Variants in SNRK observed in about 807,000 individuals in gnomAD.
The protein encoded by SNRK is SNF related kinase, also known as SNF-related serine/threonine-protein kinase.
Under a neutral mutation model 48.2 loss-of-function variants are expected in SNRK, and 3 were observed. That is an observed-to-expected ratio of 0.06 (90% CI 0.03 to 0.16). The LOEUF (loss-of-function observed/expected upper bound fraction) is 0.16, where lower values mean the gene tolerates loss of function less well. Ranked by LOEUF, SNRK falls within the 10% of genes least tolerant of loss-of-function variation. The pLI is 1.00. For synonymous variants in SNRK, 376 were observed against 366.1 expected (o/e 1.03, Z -0.31); for missense variants, 627 against 976.0 (o/e 0.64, Z 4.76).
chr3:43,325,149 A>G (rs779943068), intron 3 of SNRK, among the ~76,000 whole-genome samples: 1 of 152,094 alleles, frequency 6.6e-6, no homozygotes, highest in African/African-American at 2.4e-5. Context: ...CTCACACAAA[A>G]GACTGTGTTT....
chr3:43,299,129 G>A (rs556926322), intron 1 of SNRK, among the ~76,000 whole-genome samples: 2 of 152,192 alleles, frequency 1.3e-5, no homozygotes, highest in South Asian at 2.1e-4. Flanking sequence ...ATGTGAGTTC[G>A]GGGCCTGTTG....
chr3:43,294,760 G>A (rs1182357685), intron 1 of SNRK, among the ~76,000 whole-genome samples: 7 of 146,078 alleles, frequency 4.8e-5, no homozygotes, highest in Admixed American at 4.8e-4. Flanking sequence ...TTCTTTTTTT[G>A]ACCATTTTTT....
intron 3 of SNRK, among the ~76,000 whole-genome samples, chr3:43,306,920 T>G (rs1047700762): frequency 1.6e-4 from 24 of 152,216 alleles, no homozygotes; most frequent in African/African-American, 5.5e-4. Flanking sequence ...CCAATTGATT[T>G]CTGCTTCGGA....
At chr3:43,328,483 A>G (rs1575551499) in intron 3 of SNRK, among the ~76,000 whole-genome samples, 1 of 151,972 alleles carries the variant, frequency 6.6e-6, no homozygotes, top group African/African-American at 2.4e-5. Context: ...TGATCCTCCC[A>G]CCTTAGGCTT....
Position 43,348,239 on chromosome 3 carries a change from G to T in SNRK, c.1980G>T (p.Gly660=). The T allele has an allele frequency of 6.2e-7, 1 of 1,613,926 alleles. No individual in the cohort carries two copies. The highest frequency in any genetic ancestry group is 8.5e-7 in the Non-Finnish European group (1 of 1,179,900). Residue 660 remains glycine (G), a synonymous_variant, in exon 7 of 7, where the codon GGG becomes GGT. Transcript: ENST00000296088. ...MSLCLGSQLH[G]STKYIIDPQN... ...TCTGCCTCGGCTCCCAGCTTCATGGGAGCACCAAGTACATTATTGATCCAC... is the reference window on the plus strand; with the variant it reads ...TCTGCCTCGGCTCCCAGCTTCATGGTAGCACCAAGTACATTATTGATCCAC...
At position 43,304,909 on chromosome 3, in the gene SNRK, CTT is replaced by C. The variant is rs377308575; in HGVS notation, c.589+1119_589+1120del. ...ACAGATAACTAGACTTCACTGAAGT[CTT>C]TCATTAGAATATCTGAGCGGAGATT... On this transcript the variant is annotated intron_variant, in intron 3 of 6. Transcript: ENST00000296088. Among the ~76,000 whole-genome samples the C allele has an allele frequency of 2.1e-3, 323 of 152,140 alleles. 1 individual carries two copies. The highest frequency in any genetic ancestry group is 7.4e-3 in the African/African-American group (309 of 41,504).
At chr3:43,340,027 G>A (rs902479190) in intron 4 of SNRK, among the ~76,000 whole-genome samples, 4 of 151,422 alleles carry the variant, frequency 2.6e-5, no homozygotes, top group Admixed American at 2.6e-4. Context: ...AAGAACAGAT[G>A]TTGATACCTA....
intron 1 of SNRK, among the ~76,000 whole-genome samples, chr3:43,293,448 A>G (rs1374650714): frequency 6.6e-6 from 1 of 152,204 alleles, no homozygotes; most frequent in Non-Finnish European, 1.5e-5. Context: ...CAGAAAGTCA[A>G]AAATTGAGTA....
At chr3:43,306,094 A>G (rs535315917) in intron 3 of SNRK, among the ~76,000 whole-genome samples, 1 of 152,336 alleles carries the variant, frequency 6.6e-6, no homozygotes, top group East Asian at 1.9e-4. Context: ...GATGTTCACC[A>G]GTCTGATAAA....
chr3:43,330,100 T>C (rs2091134952), intron 3 of SNRK, among the ~76,000 whole-genome samples: 2 of 152,216 alleles, frequency 1.3e-5, no homozygotes, highest in Admixed American at 6.5e-5. Context: ...TATGAATTTA[T>C]TGTATTTCAA....
rs1231600884 is a variant in SNRK at position 43,332,290 on chromosome 3, T to C, written c.711T>C (p.His237=). 3.2e-6 allele frequency: 5 copies of C among 1,557,016 alleles called. No individual in the cohort carries two copies. Among genetic ancestry groups the C allele is most frequent in the African/African-American group, 1.4e-5 (1 of 72,926 alleles). Residue 237 remains histidine (H), a synonymous_variant, in exon 4 of 7, where the codon CAT becomes CAC. Transcript: ENST00000296088. ...IMDCKYTVPS[H]VSKECKDLIT... is the part of the protein sequence containing the mutation. ...ATTGCAAATATACAGTACCATCCCA[T>C]GTGTCTAAAGAGTGTAAAGAGTAAG...
chr3:43,289,121 C>G (rs1184335711), intron 1 of SNRK, among the ~76,000 whole-genome samples: 1 of 152,110 alleles, frequency 6.6e-6, no homozygotes, highest in African/African-American at 2.4e-5. Context: ...ACAGTACGAA[C>G]AGATGAACTG....
At chr3:43,311,515 T>G (rs893970859) in intron 3 of SNRK, among the ~76,000 whole-genome samples, 4 of 152,200 alleles carry the variant, frequency 2.6e-5, no homozygotes, top group African/African-American at 7.2e-5. Flanking sequence ...TTAAGTTGAT[T>G]TCACAGAGTC....
At chr3:43,328,698 A>C (rs187333557) in intron 3 of SNRK, among the ~76,000 whole-genome samples, 194 of 152,270 alleles carry the variant, frequency 1.3e-3, no homozygotes, top group African/African-American at 4.5e-3. Context: ...AAAAAACCTG[A>C]ATTACTAAGA....
At position 43,335,907 on chromosome 3, in the gene SNRK, A is replaced by G. The variant is rs543354705; in HGVS notation, c.731+3597A>G. Among the ~76,000 whole-genome samples the G allele has an allele frequency of 3.5e-3, 531 of 152,186 alleles. 3 individuals are homozygous for G. The highest frequency in any genetic ancestry group is 3.6e-3 in the Non-Finnish European group (248 of 67,998). On this transcript the variant is annotated intron_variant, in intron 4 of 6. Coordinates refer to ENST00000296088, the MANE Select transcript of SNRK (RefSeq NM_017719.5). ...GTTGGCTACCATTTGTGTGCTGTAG[A>G]GTTTTTCTTTCTTTTCTTAAACTTC...
chr3:43,322,969 CTG>C (rs997395757), intron 3 of SNRK, among the ~76,000 whole-genome samples: 15 of 37,636 alleles, frequency 4.0e-4, no homozygotes, highest in African/African-American at 1.2e-3. Context: ...AAAAAAAAGA[CTG>C]TATTGGCAAA....
intron 3 of SNRK, among the ~76,000 whole-genome samples, chr3:43,308,379 AGAG>A (rs1397812274): frequency 3.9e-5 from 6 of 152,206 alleles, no homozygotes; most frequent in East Asian, 1.9e-4. Context: ...TCATAGCTAG[AGAG>A]GAGAAGTCAA....
chr3:43,330,169 A>G (rs1380180149), intron 3 of SNRK, among the ~76,000 whole-genome samples: 1 of 152,228 alleles, frequency 6.6e-6, no homozygotes, highest in Non-Finnish European at 1.5e-5. Context: ...CATTGTCAAT[A>G]TTTGAACAAT....
rs750945945 is a variant in SNRK, at chr3:43,347,660, G to A, written c.1401G>A (p.Leu467=). ...TGTCCCTCTCAACACAAGTGGTTTT[G>A]CGCCGGAAGCCATCTGTAACCAACC... The part of the protein sequence containing the change: ...KPMSLSTQVV[L]RRKPSVTNRL... Residue 467 remains leucine (L), a synonymous_variant, in exon 7 of 7, where the codon TTG becomes TTA. Coordinates refer to ENST00000296088, the MANE Select transcript of SNRK (RefSeq NM_017719.5). This position sits in a 1 kb window ranked among gnomAD's most constrained non-coding sequence, Gnocchi z 5.4. 4.3e-6 allele frequency: 7 copies of A among 1,613,640 alleles called. No individual in the cohort carries two copies. The highest frequency in any genetic ancestry group is 2.2e-5 in the East Asian group (1 of 44,882).
Sources: gnomAD v4.1 joint callset for allele counts (sites outside exome capture counted in the v4.1 genomes callset) on GRCh38, gnomAD v4.1.1 for gene constraint, Gnocchi (gnomAD v3.1) non-coding constraint, MANE v1.5 for transcripts, NCBI Gene and HGNC (gene_info 2026-07-23, HGNC 2026-07-21) for gene names.